The following ARHGEF11 variants were observed in gnomAD, a reference collection of about 807,000 sequenced individuals.
The protein encoded by ARHGEF11 is Rho guanine nucleotide exchange factor 11.
A neutral mutation model predicts 193.7 loss-of-function variants in ARHGEF11; 55 were observed. That is an observed-to-expected ratio of 0.28 (90% CI 0.23 to 0.36). The LOEUF (loss-of-function observed/expected upper bound fraction) is 0.36. ARHGEF11 is among the 10% of genes least tolerant of loss of function. The pLI is 1.00. For synonymous variants in ARHGEF11, 693 were observed against 768.0 expected (o/e 0.90, Z 1.62); for missense variants, 1,723 against 2,005.6 (o/e 0.86, Z 2.69).
At chr1:156,986,816 T>G (rs1331869921) in intron 1 of ARHGEF11, among the ~76,000 whole-genome samples, 1 of 152,178 alleles carries the variant, frequency 6.6e-6, no homozygotes, top group Non-Finnish European at 1.5e-5. Flanking sequence ...ACTGGCAACT[T>G]GCACACTTTC....
chr1:156,977,275 A>G (rs183286371), intron 6 of ARHGEF11, among the ~76,000 whole-genome samples: 254 of 152,318 alleles, frequency 1.7e-3, no homozygotes, highest in Non-Finnish European at 3.1e-3. Context: ...GTTGCTCTCT[A>G]AAGTCTCCCA....
rs1571137120 is a variant in ARHGEF11, at chr1:156,939,710, C to A, written c.3934G>T (p.Gly1312Trp). 1.9e-6 allele frequency: 3 copies of A among 1,614,128 alleles called. No homozygotes were observed. The East Asian group carries it at 6.7e-5, about 36-fold the overall frequency. Residue 1312 changes from glycine to tryptophan, a missense_variant, in exon 37 of 41, where the codon GGG becomes TGG. Physicochemically the swap from Gly to Trp is radical, Grantham distance 184. Transcript: ENST00000368194. ...GDNTQLAGLEGERPEQEDMGL... is the reference protein window; with the variant it reads ...GDNTQLAGLEWERPEQEDMGL... ...ATGTCTTCCTGCTCTGGCCGTTCCC[C>A]CTCCAGCCCTGCAAGCTGGGTGTTG...
chr1:156,961,197 A>G (rs920868595), intron 14 of ARHGEF11, among the ~76,000 whole-genome samples: 7 of 152,242 alleles, frequency 4.6e-5, no homozygotes, highest in East Asian at 1.9e-4. Context: ...CTCTGTCCCA[A>G]TGCACAGCGT....
intron 2 of ARHGEF11, among the ~76,000 whole-genome samples, chr1:156,984,919 G>C (rs1664706060): frequency 6.6e-6 from 1 of 151,968 alleles, no homozygotes. Context: ...AACTCATGCA[G>C]GGTGACTTAG....
intron 1 of ARHGEF11, among the ~76,000 whole-genome samples, chr1:157,032,757 G>A (rs1245946739): frequency 6.6e-6 from 1 of 152,088 alleles, no homozygotes; most frequent in African/African-American, 2.4e-5. Context: ...CTACTGCCCA[G>A]AAACCACGCA....
chr1:156,955,900 G>A, intron 19 of ARHGEF11, 101 bp from the exon 20 acceptor site: 1 of 887,978 alleles, frequency 1.1e-6, no homozygotes, highest in Non-Finnish European at 1.9e-6. Context: ...CCCTCAGCAA[G>A]TAACTGGAGA....
At chr1:156,951,061 CCT>C (rs1442539628) in intron 22 of ARHGEF11, among the ~76,000 whole-genome samples, 1 of 152,188 alleles carries the variant, frequency 6.6e-6, no homozygotes, top group South Asian at 2.1e-4. Flanking sequence ...ATCCACTTTG[CCT>C]CTCTTTGCTG....
chr1:156,934,992 C>T lies in ARHGEF11; in HGVS notation c.*1008G>A, dbSNP rs1441187586. The T allele has an allele frequency of 2.0e-5, 3 of 148,172 alleles. No individual in the cohort carries two copies. The highest frequency in any genetic ancestry group is 4.5e-5 in the Non-Finnish European group (3 of 67,264). The allele number at this position is 148,172 out of a possible 1,614,324, so 9.2% of individuals were successfully genotyped here. On this transcript the variant is annotated 3_prime_UTR_variant, in exon 41 of 41. Coordinates refer to ENST00000368194, the MANE Select transcript of ARHGEF11 (RefSeq NM_198236.3). ...TTATATATATATATATGTATATATA[C>T]ACCTAGCACAGTGTGTATATTCTAT...
chr1:157,013,945 CTAGCTCTGGAGAAAAGCT>C (rs1668879742), intron 1 of ARHGEF11, among the ~76,000 whole-genome samples: 1 of 152,236 alleles, frequency 6.6e-6, no homozygotes, highest in South Asian at 2.1e-4. Context: ...GTCCAACAAA[CTAGCTCTGGAGAAAAGCT>C]CCCATTTTCG....
intron 8 of ARHGEF11, 126 bp from the exon 9 acceptor site, chr1:156,970,169 G>A: frequency 2.7e-6 from 2 of 753,826 alleles, no homozygotes; most frequent in Non-Finnish European, 2.3e-6. Flanking sequence ...CCTCAAAAAT[G>A]CCCAGCTAGA....
chr1:156,979,141 G>T, intron 5 of ARHGEF11, 88 bp downstream of exon 5: 2 of 1,271,708 alleles, frequency 1.6e-6, no homozygotes, highest in South Asian at 1.2e-5. Context: ...AAACCTCCTG[G>T]AATGCCAGGC....
Position 156,947,005 on chromosome 1 carries a change from A to G in ARHGEF11, c.2499T>C (p.Cys833=). 6.2e-7 allele frequency: 1 copy of G among 1,614,098 alleles called. No individual in the cohort carries two copies. Among genetic ancestry groups the G allele is most frequent in the Non-Finnish European group, 8.5e-7 (1 of 1,180,012 alleles). The change falls in exon 27 of 41, where the codon TGT becomes TGC. Residue 833 remains cysteine, a synonymous_variant. Transcript: ENST00000368194. ...CCTCCCGGAGCTTCTTCATGGCTTC[A>G]CACCAGGAATCTGGGGCAGGAAGAG... ...PELIEIHNSW[C]EAMKKLREEG...
intron 25 of ARHGEF11, 90 bp from the exon 26 acceptor site, chr1:156,947,540 C>T (rs1270528342): frequency 4.2e-6 from 6 of 1,437,292 alleles, no homozygotes; most frequent in Non-Finnish European, 5.5e-6. Flanking sequence ...TCCCACACCA[C>T]TCTATTTTTG....
intron 1 of ARHGEF11, among the ~76,000 whole-genome samples, chr1:157,030,133 AT>A (rs1454885364): frequency 6.6e-6 from 1 of 152,178 alleles, no homozygotes; most frequent in Non-Finnish European, 1.5e-5. Flanking sequence ...AAAGCAGTAG[AT>A]TTTATGGTAT....
intron 22 of ARHGEF11, among the ~76,000 whole-genome samples, chr1:156,949,893 C>T (rs1309213609): frequency 1.3e-5 from 2 of 152,084 alleles, no homozygotes; most frequent in Non-Finnish European, 2.9e-5. Flanking sequence ...AATCTCTGAC[C>T]CACCATATTG....
chr1:156,951,676 T>C lies in ARHGEF11; in HGVS notation c.1822A>G (p.Ile608Val), dbSNP rs1659128685. 1.2e-6 allele frequency: 2 copies of C among 1,614,224 alleles called. No homozygotes were observed. The highest frequency in any genetic ancestry group is 1.7e-6 in the Non-Finnish European group (2 of 1,180,040). The change falls in exon 22 of 41, where the codon ATC becomes GTC. Residue 608 changes from isoleucine to valine, a missense_variant. Coordinates refer to ENST00000368194, the MANE Select transcript of ARHGEF11 (RefSeq NM_198236.3). Reference protein sequence around the residue: ...VEVKPGNVRNIIQHFENNQQY... With the variant: ...VEVKPGNVRNVIQHFENNQQY... Reference sequence around the variant, plus strand: ...TGGTTGTTCTCAAAGTGCTGAATGATGTTCCTCACATTGCCTGGTTTGACT... The same window carrying C: ...TGGTTGTTCTCAAAGTGCTGAATGACGTTCCTCACATTGCCTGGTTTGACT...
chr1:156,942,854 C>A, intron 32 of ARHGEF11, 74 bp from the exon 33 acceptor site: 1 of 1,263,064 alleles, frequency 7.9e-7, no homozygotes, highest in Non-Finnish European at 1.2e-6. Context: ...GCCAGGGTGA[C>A]AGAGTGGGAC....
chr1:156,996,505 A>G (rs1232002913), intron 1 of ARHGEF11, among the ~76,000 whole-genome samples: 1 of 152,112 alleles, frequency 6.6e-6, no homozygotes, highest in African/African-American at 2.4e-5. Flanking sequence ...GATGGATCTC[A>G]CAACAAGGAG....
chr1:157,006,384 T>C (rs1455951645), intron 1 of ARHGEF11, among the ~76,000 whole-genome samples: 1 of 152,216 alleles, frequency 6.6e-6, no homozygotes, highest in East Asian at 1.9e-4. Flanking sequence ...ATTAGATGAC[T>C]GCCAAGATTC....
Sources: allele counts gnomAD v4.1 joint callset (sites outside exome capture counted in the v4.1 genomes callset), GRCh38; gene constraint gnomAD v4.1.1; transcripts MANE v1.5; gene names NCBI Gene and HGNC (gene_info 2026-07-23, HGNC 2026-07-21).